SKAP1: variants seen among roughly 807,000 people sequenced by gnomAD.
The protein encoded by SKAP1 is src kinase associated phosphoprotein 1, also known as src kinase-associated phosphoprotein 1.
Under a neutral mutation model 58.5 loss-of-function variants are expected in SKAP1, and 44 were observed. The observed-to-expected ratio is 0.75, with a 90% confidence interval of 0.59 to 0.97. SKAP1 has a LOEUF of 0.97. Ranked by LOEUF, SKAP1 falls within the 50% of genes least tolerant of loss-of-function variation. SKAP1 has a pLI of 0.00. For missense variants in SKAP1, 390 were observed against 435.2 expected (o/e 0.90, Z 0.92); for synonymous variants, 127 against 149.7 (o/e 0.85, Z 1.11).
At chr17:48,186,421 TA>T (rs2064452389) in intron 6 of SKAP1, among the ~76,000 whole-genome samples, 1 of 152,178 alleles carries the variant, frequency 6.6e-6, no homozygotes, top group South Asian at 2.1e-4. Context: ...GGGCAAATCT[TA>T]AGGATTTCAA....
chr17:48,317,202 G>A (rs2066300584), intron 4 of SKAP1, among the ~76,000 whole-genome samples: 1 of 152,058 alleles, frequency 6.6e-6, no homozygotes, highest in Non-Finnish European at 1.5e-5. Context: ...ACTCCCAATG[G>A]AAATAAACCT....
chr17:48,368,463 A>G (rs941319255), intron 2 of SKAP1, among the ~76,000 whole-genome samples: 40 of 152,220 alleles, frequency 2.6e-4, no homozygotes, highest in African/African-American at 9.6e-4. Flanking sequence ...CATAAGAAAA[A>G]GCATATAAAT....
chr17:48,236,824 G>A (rs1285952604), intron 4 of SKAP1, among the ~76,000 whole-genome samples: 1 of 152,210 alleles, frequency 6.6e-6, no homozygotes, highest in African/African-American at 2.4e-5. Flanking sequence ...TGCTTGTAAG[G>A]AGAGTCACAG....
chr17:48,337,150 G>C (rs1211620733), intron 4 of SKAP1, among the ~76,000 whole-genome samples: 1 of 152,026 alleles, frequency 6.6e-6, no homozygotes, highest in Non-Finnish European at 1.5e-5. Flanking sequence ...TTTCCTGCTA[G>C]ACCAGTGTAT....
chr17:48,247,187 T>C (rs2065305183), intron 4 of SKAP1, among the ~76,000 whole-genome samples: 1 of 152,230 alleles, frequency 6.6e-6, no homozygotes, highest in African/African-American at 2.4e-5. Flanking sequence ...CTTCCAAGTA[T>C]GCACACAATT....
intron 4 of SKAP1, among the ~76,000 whole-genome samples, chr17:48,309,085 C>G (rs1226424555): frequency 6.6e-6 from 1 of 151,950 alleles, no homozygotes; most frequent in Non-Finnish European, 1.5e-5. Flanking sequence ...TTAGCATTTT[C>G]ATCCCAATTC....
At chr17:48,298,756 T>C (rs1202573398) in intron 4 of SKAP1, among the ~76,000 whole-genome samples, 3 of 152,196 alleles carry the variant, frequency 2.0e-5, no homozygotes, top group Non-Finnish European at 2.9e-5. Context: ...TTTTCTATTT[T>C]CCAGTGCAAT....
At chr17:48,249,123 A>G (rs2065332636) in intron 4 of SKAP1, 1 of 152,200 alleles carries the variant, frequency 6.6e-6, no homozygotes, top group South Asian at 2.1e-4. Context: ...GTCAATGCAA[A>G]ATAGTTCTAT....
chr17:48,281,644 G>T (rs2065768601), intron 4 of SKAP1, among the ~76,000 whole-genome samples: 3 of 151,980 alleles, frequency 2.0e-5, no homozygotes, highest in Admixed American at 2.0e-4. Flanking sequence ...TAACACTGTG[G>T]CCACCATCTA....
At chr17:48,441,023 C>A in the SKAP1 span, among the ~76,000 whole-genome samples, 1 of 152,194 alleles carries the variant, frequency 6.6e-6, no homozygotes, top group African/African-American at 2.4e-5. Flanking sequence ...GATTCCATTT[C>A]TAATTCACAT....
chr17:48,175,592 A>C (rs2064278426), intron 9 of SKAP1, among the ~76,000 whole-genome samples: 1 of 152,208 alleles, frequency 6.6e-6, no homozygotes, highest in South Asian at 2.1e-4. Context: ...TATTAAACTC[A>C]ATTTGTGCTA....
At chr17:48,281,217 G>A (rs1051485360) in intron 4 of SKAP1, among the ~76,000 whole-genome samples, 2 of 151,984 alleles carry the variant, frequency 1.3e-5, no homozygotes, top group Admixed American at 6.6e-5. Flanking sequence ...GTAGAGATGG[G>A]TTTTCACCAT....
At chr17:48,246,330 C>A (rs911935293) in intron 4 of SKAP1, among the ~76,000 whole-genome samples, 2 of 152,114 alleles carry the variant, frequency 1.3e-5, no homozygotes, top group African/African-American at 2.4e-5. Context: ...CTTGTTAGAC[C>A]GGACTATTTG....
At chr17:48,137,189 A>T (rs767201665) in intron 12 of SKAP1, 40 bp downstream of exon 12, 13 of 1,289,758 alleles carry the variant, frequency 1.0e-5, no homozygotes, top group Non-Finnish European at 1.3e-5. Context: ...CACAAGTTCC[A>T]CTCAACTATT....
At chr17:48,250,645 G>T (rs1396060028) in intron 4 of SKAP1, among the ~76,000 whole-genome samples, 2 of 151,682 alleles carry the variant, frequency 1.3e-5, no homozygotes, top group African/African-American at 4.8e-5. Context: ...CTAAATATGC[G>T]ATCTTCTCGT....
intron 2 of SKAP1, among the ~76,000 whole-genome samples, chr17:48,373,513 TA>T (rs963955573): frequency 3.3e-5 from 5 of 151,696 alleles, no homozygotes; most frequent in East Asian, 1.9e-4. Context: ...CTGTAATATA[TA>T]AAAAAAAATA....
chr17:48,331,246 G>A (rs1261132132), intron 4 of SKAP1, among the ~76,000 whole-genome samples: 1 of 152,134 alleles, frequency 6.6e-6, no homozygotes, highest in East Asian at 1.9e-4. Context: ...TAAGGGAGCA[G>A]TTTTTGTTAA....
intron 1 of SKAP1, among the ~76,000 whole-genome samples, chr17:48,405,664 C>T (rs2067572779): frequency 6.6e-6 from 1 of 151,596 alleles, no homozygotes; most frequent in African/African-American, 2.4e-5. Flanking sequence ...CCATGCCTGG[C>T]TAATGTTTGT....
At chr17:48,292,116 ATTAGT>A (rs1435457826) in intron 4 of SKAP1, among the ~76,000 whole-genome samples, 1 of 139,974 alleles carries the variant, frequency 7.1e-6, no homozygotes, top group Non-Finnish European at 1.5e-5. Context: ...AATGAAAATC[ATTAGT>A]TTAGCCTATT....
Sources: allele counts gnomAD v4.1 joint callset (sites outside exome capture counted in the v4.1 genomes callset), GRCh38; gene constraint gnomAD v4.1.1; transcripts MANE v1.5; gene names NCBI Gene and HGNC (gene_info 2026-07-23, HGNC 2026-07-21).